Variants in SLC25A13 observed in about 807,000 individuals in gnomAD.
SLC25A13 encodes electrogenic aspartate/glutamate antiporter SLC25A13, mitochondrial.
A neutral mutation model predicts 85.5 loss-of-function variants in SLC25A13; 70 were observed. The observed-to-expected ratio is 0.82, with a 90% confidence interval of 0.68 to 1.00. The LOEUF (loss-of-function observed/expected upper bound fraction) is 1.00, where lower values mean the gene tolerates loss of function less well. Among genes scored for constraint, SLC25A13 ranks in the 50% least tolerant of loss-of-function variants. The probability of loss-of-function intolerance (pLI) is 0.00; values close to 1 mark genes in which losing one functional copy is unlikely to be tolerated. For synonymous variants in SLC25A13, 259 were observed against 288.7 expected, an observed-to-expected ratio of 0.90 and a Z score of 1.04; for missense variants, 765 against 819.8, an observed-to-expected ratio of 0.93 and a Z score of 0.82.
rs1794941361 is a variant in SLC25A13, at chr7:96,193,506, C to T, written c.469-323G>A. On this transcript the variant is annotated intron_variant, in intron 5 of 17. Coordinates refer to ENST00000265631, the MANE Select transcript of SLC25A13 (RefSeq NM_014251.3). ...AGTGTTGTAGGTTCAAAGATCTGGC[C>T]AACCCCAGCTTAGGTGATGCAGATG... is the stretch of plus-strand genomic sequence containing the variant. Among the ~76,000 whole-genome samples, 3 of 152,196 alleles carry T rather than the reference C, an allele frequency of 2.0e-5. No individual in the cohort carries two copies. The South Asian group carries it at 6.2e-4, about 31-fold the overall frequency.
intron 13 of SLC25A13, among the ~76,000 whole-genome samples, chr7:96,157,243 A>G (rs1793311404): frequency 6.6e-6 from 1 of 152,126 alleles, no homozygotes; most frequent in Non-Finnish European, 1.5e-5. Context: ...TTCATGTGAA[A>G]TGGTCCTCAC....
intron 13 of SLC25A13, among the ~76,000 whole-genome samples, chr7:96,156,799 G>A (rs1483655090): frequency 2.0e-5 from 3 of 151,276 alleles, no homozygotes; most frequent in Non-Finnish European, 4.4e-5. Context: ...CACCTGCCTC[G>A]GCCTACCAAA....
chr7:96,154,450 C>T (rs931162772), intron 13 of SLC25A13, among the ~76,000 whole-genome samples: 8 of 152,064 alleles, frequency 5.3e-5, no homozygotes, highest in African/African-American at 9.7e-5. Context: ...GTGCGTGCCA[C>T]GACATCTGGC....
chr7:96,318,399 G>A (rs1469513247), intron 1 of SLC25A13, among the ~76,000 whole-genome samples: 1 of 152,110 alleles, frequency 6.6e-6, no homozygotes, highest in African/African-American at 2.4e-5. Flanking sequence ...TGGCAGTTTT[G>A]GGAAATGTTT....
chr7:96,202,157 G>A (rs547876167), intron 5 of SLC25A13, among the ~76,000 whole-genome samples: 16 of 152,236 alleles, frequency 1.1e-4, no homozygotes, highest in African/African-American at 3.4e-4. Flanking sequence ...TACTAGCATG[G>A]GTATGCTTTG....
At chr7:96,223,961 G>A (rs10267878) in intron 4 of SLC25A13, among the ~76,000 whole-genome samples, 150,022 of 152,272 alleles carry the variant, frequency 0.99, 73,942 homozygotes, top group East Asian at 1. Context: ...AGTTCAGATC[G>A]ACAGTTTCAT....
intron 4 of SLC25A13, 139 bp downstream of exon 4, chr7:96,234,663 G>C: frequency 1.6e-6 from 1 of 642,288 alleles, no homozygotes; most frequent in Non-Finnish European, 2.7e-6. Context: ...CCAAAACATT[G>C]AAGTATCTTT....
At chr7:96,178,255 T>C (rs949351661) in intron 11 of SLC25A13, among the ~76,000 whole-genome samples, 29 of 151,996 alleles carry the variant, frequency 1.9e-4, no homozygotes, top group African/African-American at 6.8e-4. Flanking sequence ...TAACCCAGAG[T>C]GGCCAGGGTG....
intron 15 of SLC25A13, among the ~76,000 whole-genome samples, chr7:96,130,106 G>GA (rs894095887): frequency 3.3e-5 from 5 of 151,806 alleles, no homozygotes; most frequent in Non-Finnish European, 7.4e-5. Flanking sequence ...AACCTTAAAT[G>GA]AAAAAAAATC....
chr7:96,272,528 G>C (rs1315665850), intron 3 of SLC25A13, among the ~76,000 whole-genome samples: 1 of 152,124 alleles, frequency 6.6e-6, no homozygotes, highest in African/African-American at 2.4e-5. Flanking sequence ...TTCTTGTTGG[G>C]GGGAAAAGTG....
intron 4 of SLC25A13, among the ~76,000 whole-genome samples, chr7:96,231,397 C>G (rs975065326): frequency 6.6e-6 from 1 of 152,064 alleles, no homozygotes; most frequent in African/African-American, 2.4e-5. Flanking sequence ...CTATAAGGAA[C>G]TTAAATTTAC....
At chr7:96,233,457 C>A (rs1208033675) in intron 4 of SLC25A13, among the ~76,000 whole-genome samples, 1 of 152,142 alleles carries the variant, frequency 6.6e-6, no homozygotes, top group Admixed American at 6.5e-5. Flanking sequence ...ATTAAATAAT[C>A]CTCATGAAGT....
intron 4 of SLC25A13, 92 bp downstream of exon 4, chr7:96,234,710 C>T (rs1796679157): frequency 5.4e-6 from 5 of 931,676 alleles, no homozygotes; most frequent in Non-Finnish European, 8.6e-6. Context: ...AAAGAATTTC[C>T]ATACACTTTA....
At chr7:96,275,502 T>C (rs1313556366) in intron 3 of SLC25A13, among the ~76,000 whole-genome samples, 1 of 152,202 alleles carries the variant, frequency 6.6e-6, no homozygotes, top group East Asian at 1.9e-4. Flanking sequence ...CCATCAATGA[T>C]AGACTGGATT....
intron 3 of SLC25A13, among the ~76,000 whole-genome samples, chr7:96,241,433 A>C (rs1796994711): frequency 1.3e-5 from 2 of 152,368 alleles, no homozygotes; most frequent in South Asian, 2.1e-4. Context: ...GACTGAATAC[A>C]GAACATTGAT....
intron 5 of SLC25A13, among the ~76,000 whole-genome samples, chr7:96,199,888 A>C (rs1795190208): frequency 6.6e-6 from 1 of 152,120 alleles, no homozygotes; most frequent in Admixed American, 6.6e-5. Context: ...TTTCCTTAAT[A>C]ATCTCCAATT....
At chr7:96,264,122 C>A (rs1797957571) in intron 3 of SLC25A13, among the ~76,000 whole-genome samples, 1 of 152,164 alleles carries the variant, frequency 6.6e-6, no homozygotes, top group Non-Finnish European at 1.5e-5. Flanking sequence ...CTCACCTACT[C>A]TGGATTATTC....
chr7:96,232,971 C>G (rs1163746944), intron 4 of SLC25A13, among the ~76,000 whole-genome samples: 2 of 152,228 alleles, frequency 1.3e-5, no homozygotes, highest in Non-Finnish European at 2.9e-5. Flanking sequence ...CACACTAACA[C>G]ACACACTTTG....
Position 96,171,455 on chromosome 7 carries a change from C to G in SLC25A13, c.1230+17G>C. 1 of 1,607,990 alleles carries G rather than the reference C, an allele frequency of 6.2e-7. No homozygotes were observed. The highest frequency in any genetic ancestry group is 1.7e-4 in the Middle Eastern group (1 of 6,038). On this transcript the variant is annotated intron_variant, in intron 12 of 17. Transcript: ENST00000265631. ...TACAAAATCCCTTAATAAGAAGCAC[C>G]AACTCAAAAGACTTACTGTAAGTTT...
Sources: allele counts gnomAD v4.1 joint callset (sites outside exome capture counted in the v4.1 genomes callset), GRCh38; gene constraint gnomAD v4.1.1; transcripts MANE v1.5; gene names NCBI Gene and HGNC (gene_info 2026-07-23, HGNC 2026-07-21).